Variants in NDUFA2 observed in about 807,000 individuals in gnomAD.
The protein encoded by NDUFA2 is NADH dehydrogenase [ubiquinone] 1 alpha subcomplex subunit 2.
In NDUFA2, 9 loss-of-function variants were observed where a neutral mutation model predicts 11.4. The ratio of observed to expected loss-of-function variants is 0.79; its 90% confidence interval spans 0.48 to 1.38. NDUFA2 has a LOEUF of 1.38. Among genes scored for constraint, NDUFA2 ranks in the 40% most tolerant of loss-of-function variants. The pLI, the probability that NDUFA2 is intolerant of heterozygous loss-of-function variation, is 0.00. For missense variants in NDUFA2, 150 were observed against 131.2 expected, an observed-to-expected ratio of 1.14 and a Z score of -0.70; for synonymous variants, 49 against 54.0, an observed-to-expected ratio of 0.91 and a Z score of 0.41.
rs200503970 is a variant in NDUFA2 at position 140,647,456 on chromosome 5, C to T, written c.101+27G>A. On this transcript the variant is annotated intron_variant, in intron 1 of 2. Coordinates refer to ENST00000252102, the MANE Select transcript of NDUFA2 (RefSeq NM_002488.5). Reference sequence around the variant, plus strand: ...GTCGTGACCCTGGCGTCCCGAAGCCCGCCCGCCTCACCACGCCGCGCCTCA... The same window carrying T: ...GTCGTGACCCTGGCGTCCCGAAGCCTGCCCGCCTCACCACGCCGCGCCTCA... 873 of 1,608,642 alleles carry T rather than the reference C, an allele frequency of 5.4e-4. 4 individuals carry two copies. In the African/African-American group the frequency reaches 0.01, roughly 19 times the overall value.
chr5:140,647,625 A>T lies in NDUFA2; in HGVS notation c.-42T>A. 1 of 1,598,298 alleles carries T rather than the reference A, an allele frequency of 6.3e-7. No individual in the cohort carries two copies. Among genetic ancestry groups the T allele is most frequent in the Non-Finnish European group, 8.5e-7 (1 of 1,175,450 alleles). On this transcript the variant is annotated 5_prime_UTR_variant, in exon 1 of 3. Transcript: ENST00000252102. The stretch of plus-strand genomic sequence containing the variant: ...GTCGCCAATTCCAGGTCTTCAGGCC[A>T]AGTGCTCCGGTCTGACCAACCGCGG...
chr5:140,645,309 G>A lies in NDUFA2; in HGVS notation c.*278C>T. On this transcript the variant is annotated 3_prime_UTR_variant, in exon 3 of 3. Coordinates refer to ENST00000252102, the MANE Select transcript of NDUFA2 (RefSeq NM_002488.5). ...GACTCAGTGTGGTCTACTTACTCTG[G>A]GGCCCTAGAATCCCTGCCCCCCCGC... 1.4e-6 allele frequency: 1 copy of A among 719,020 alleles called. No individual in the cohort carries two copies. Among genetic ancestry groups the A allele is most frequent in the Non-Finnish European group, 2.4e-6 (1 of 413,156 alleles). 44.5% of individuals were successfully genotyped at this position (719,020 alleles called of 1,614,324 possible). A position where few individuals can be genotyped will look rare whatever the true frequency, so the allele number is the denominator to read the frequency against.
At chr5:140,645,956 C>T (rs924730935) in intron 2 of NDUFA2, among the ~76,000 whole-genome samples, 10 of 151,154 alleles carry the variant, frequency 6.6e-5, no homozygotes, top group East Asian at 5.8e-4. Context: ...TTATTAACTA[C>T]GGTGAGCAAT....
chr5:140,647,145 G>A, intron 2 of NDUFA2, 111 bp downstream of exon 2: 1 of 1,179,116 alleles, frequency 8.5e-7, no homozygotes, highest in Non-Finnish European at 1.2e-6. Flanking sequence ...CAAGGCTAAA[G>A]TCCGAGTTCT....
chr5:140,645,440 G>A lies in NDUFA2; in HGVS notation c.*147C>T, dbSNP rs749611284. The A allele has an allele frequency of 2.9e-6, 3 of 1,022,186 alleles. No individual in the cohort carries two copies. Among genetic ancestry groups the A allele is most frequent in the South Asian group, 1.4e-5 (1 of 73,602 alleles). 63.3% of individuals were successfully genotyped at this position (1,022,186 alleles called of 1,614,324 possible). On this transcript the variant is annotated 3_prime_UTR_variant, in exon 3 of 3. Coordinates refer to ENST00000252102, the MANE Select transcript of NDUFA2 (RefSeq NM_002488.5). ...CTCAGTGGTTGCACAGTAAGGGGTA[G>A]AGGGTAGATGAGGACAAGAACACCC... is the stretch of plus-strand genomic sequence containing the variant.
Position 140,647,534 on chromosome 5 carries a change from C to G in NDUFA2, c.50G>C (p.Arg17Pro), listed in dbSNP as rs1482102411. The change falls in exon 1 of 3, where the codon CGT (arginine) becomes CCT (proline). Residue 17 changes from arginine (R) to proline (P), a missense_variant. Physicochemically the swap from Arg to Pro is moderately radical, Grantham distance 103. Transcript: ENST00000252102. ...CTGACATAAGTGGATGCGAATCTCACGCAGGCCCAGCTTTGCCCCGACTCC... is the reference window on the plus strand; with the variant it reads ...CTGACATAAGTGGATGCGAATCTCAGGCAGGCCCAGCTTTGCCCCGACTCC... The part of the protein sequence containing the change: ...SRGVGAKLGL[R>P]EIRIHLCQRS... 1 of 1,612,376 alleles carries G rather than the reference C, an allele frequency of 6.2e-7. No individual in the cohort carries two copies. The highest frequency in any genetic ancestry group is 2.2e-5 in the East Asian group (1 of 44,874).
At chr5:140,646,031 G>A (rs1361099546) in intron 2 of NDUFA2, among the ~76,000 whole-genome samples, 11 of 133,424 alleles carry the variant, frequency 8.2e-5, no homozygotes, top group Non-Finnish European at 1.4e-4. Context: ...TTTTTTTTGA[G>A]ACGGAGTCTC....
At chr5:140,646,231 G>C (rs992001857) in intron 2 of NDUFA2, among the ~76,000 whole-genome samples, 1 of 152,040 alleles carries the variant, frequency 6.6e-6, no homozygotes, top group African/African-American at 2.4e-5. Flanking sequence ...GGCTGGTCTT[G>C]AACTCCTGAC....
chr5:140,647,458 C>T (rs1339600928), intron 1 of NDUFA2, 25 bp downstream of exon 1: 2 of 1,609,866 alleles, frequency 1.2e-6, no homozygotes, highest in Non-Finnish European at 8.5e-7. Flanking sequence ...CCGAAGCCCG[C>T]CCGCCTCACC....
At position 140,647,539 on chromosome 5, in the gene NDUFA2, G is replaced by A. The variant is rs765747363; in HGVS notation, c.45C>T (p.Gly15=). 6.2e-7 allele frequency: 1 copy of A among 1,612,046 alleles called. No homozygotes were observed. The highest frequency in any genetic ancestry group is 8.5e-7 in the Non-Finnish European group (1 of 1,180,030). ...ATAAGTGGATGCGAATCTCACGCAG[G>A]CCCAGCTTTGCCCCGACTCCTCGAC... ...AASRGVGAKL[G]LREIRIHLCQ... is the part of the protein sequence containing the mutation. The change falls in exon 1 of 3, where the codon GGC becomes GGT. Residue 15 remains glycine (G), a synonymous_variant. Coordinates refer to ENST00000252102, the MANE Select transcript of NDUFA2 (RefSeq NM_002488.5).
At chr5:140,647,117 TG>T in intron 2 of NDUFA2, 138 bp downstream of exon 2, 1 of 966,874 alleles carries the variant, frequency 1.0e-6, no homozygotes, top group Non-Finnish European at 1.5e-6. Flanking sequence ...AATTTCTTCA[TG>T]GAAACAAGAT....
At chr5:140,647,194 C>T (rs1026817205) in intron 2 of NDUFA2, 62 bp downstream of exon 2, 2 of 1,500,396 alleles carry the variant, frequency 1.3e-6, no homozygotes, top group Non-Finnish European at 1.8e-6. Flanking sequence ...TGGGCGGTCC[C>T]TTCTCTTCTC....
chr5:140,647,401 G>A (rs900714849), intron 1 of NDUFA2, 39 bp from the exon 2 acceptor site: 2 of 1,611,028 alleles, frequency 1.2e-6, no homozygotes, highest in Non-Finnish European at 1.7e-6. Context: ...GCTGTGGGCG[G>A]GGGCTTCCCT....
In NDUFA2 at chr5:140,647,251, C is replaced by T. The variant is rs1168752295; in HGVS notation, c.208+5G>A. 6.5e-7 allele frequency: 1 copy of T among 1,540,740 alleles called. No homozygotes were observed. Among genetic ancestry groups the T allele is most frequent in the Non-Finnish European group, 8.7e-7 (1 of 1,144,270 alleles). On this transcript the variant is annotated splice_donor_5th_base_variant and intron_variant, in intron 2 of 2. Coordinates refer to ENST00000252102, the MANE Select transcript of NDUFA2 (RefSeq NM_002488.5). ...AGCCCCAGACCCCTGGCGTCCCGCA[C>T]TCACCGTAGCGGGCCCAGAGCTTGG...
chr5:140,647,332 C>G lies in NDUFA2; in HGVS notation c.132G>C (p.Leu44=). ...RDFIEKRYVE[L]KKANPDLPIL... The stretch of plus-strand genomic sequence containing the variant: ...TGGGTAGGTCGGGATTCGCCTTCTT[C>G]AGCTCCACGTAGCGTTTCTCAATGA... The change falls in exon 2 of 3, where the codon CTG becomes CTC. Residue 44 remains leucine, a synonymous_variant. Coordinates refer to ENST00000252102, the MANE Select transcript of NDUFA2 (RefSeq NM_002488.5). The G allele has an allele frequency of 6.2e-7, 1 of 1,605,518 alleles. No individual in the cohort carries two copies. Among genetic ancestry groups the G allele is most frequent in the South Asian group, 1.1e-5 (1 of 90,286 alleles).
chr5:140,646,993 T>G (rs1757440542), intron 2 of NDUFA2: 7 of 426,498 alleles, frequency 1.6e-5, no homozygotes, highest in Admixed American at 4.2e-5. Flanking sequence ...CTCTCCTGTC[T>G]GAAGCCCATT....
intron 2 of NDUFA2, 144 bp downstream of exon 2, chr5:140,647,112 C>T: frequency 1.1e-6 from 1 of 927,614 alleles, no homozygotes; most frequent in South Asian, 1.9e-5. Context: ...ATATAAATTT[C>T]TTCATGGAAA....
rs745943516 is a variant in NDUFA2, at chr5:140,647,501, G to A, written c.83C>T (p.Pro28Leu). 1.2e-6 allele frequency: 2 copies of A among 1,612,528 alleles called. No individual in the cohort carries two copies. The highest frequency in any genetic ancestry group is 1.1e-5 in the South Asian group (1 of 91,086). ...GCCTCACCTGACGCCCTGGCTGCCGGGCGAGCGCTGACATAAGTGGATGCG... is the reference window on the plus strand; with the variant it reads ...GCCTCACCTGACGCCCTGGCTGCCGAGCGAGCGCTGACATAAGTGGATGCG... Reference protein sequence around the residue: ...EIRIHLCQRSPGSQGVRDFIE... With the variant: ...EIRIHLCQRSLGSQGVRDFIE... Residue 28 changes from proline (P) to leucine (L), a missense_variant, in exon 1 of 3, where the codon CCC becomes CTC. Coordinates refer to ENST00000252102, the MANE Select transcript of NDUFA2 (RefSeq NM_002488.5).
At chr5:140,647,021 C>T (rs1402402231) in intron 2 of NDUFA2, 9 of 479,186 alleles carry the variant, frequency 1.9e-5, no homozygotes, top group Non-Finnish European at 2.9e-5. Flanking sequence ...ACAAAAACGT[C>T]AGCTCCTGGT....
Sources: gnomAD v4.1 joint callset for allele counts (sites outside exome capture counted in the v4.1 genomes callset) on GRCh38, gnomAD v4.1.1 for gene constraint, MANE v1.5 for transcripts, NCBI Gene and HGNC (gene_info 2026-07-23, HGNC 2026-07-21) for gene names.